JAKMIP1: variants seen among roughly 807,000 people sequenced by gnomAD.
The protein encoded by JAKMIP1 is janus kinase and microtubule-interacting protein 1.
JAKMIP1 carries 33 observed loss-of-function variants against 113.0 expected under a neutral mutation model. The ratio of observed to expected loss-of-function variants is 0.29; its 90% CI spans 0.22 to 0.39. JAKMIP1 has a LOEUF of 0.39. Ranked by LOEUF, JAKMIP1 falls within the 10% of genes least tolerant of loss-of-function variation. The pLI is 1.00. For missense variants in JAKMIP1, 813 were observed against 1,080.5 expected (o/e 0.75, Z 3.47); for synonymous variants, 480 against 459.9 (o/e 1.04, Z -0.56).
intron 3 of JAKMIP1, among the ~76,000 whole-genome samples, chr4:6,104,976 A>G (rs1713658037): frequency 6.6e-6 from 1 of 152,234 alleles, no homozygotes; most frequent in South Asian, 2.1e-4. Flanking sequence ...AGCAGCTGGC[A>G]ATTAGGCCGC....
At position 6,044,316 on chromosome 4, in the gene JAKMIP1, G is replaced by T. The variant is rs549889580; in HGVS notation, c.2029-2089C>A. ...AGCAGGTGCCTAATAAACTTCTGTC[G>T]AATGAAGGAGAATCAAGGCTGTGCA... On this transcript the variant is annotated intron_variant, in intron 16 of 20. Coordinates refer to ENST00000409021, the MANE Select transcript of JAKMIP1 (RefSeq NM_001099433.2). The surrounding 1 kb of genome is among the most constrained non-coding windows in gnomAD (Gnocchi z 4.4). Among the ~76,000 whole-genome samples the T allele has an allele frequency of 1.1e-4, 17 of 152,236 alleles. No individual in the cohort carries two copies. The highest frequency in any genetic ancestry group is 3.4e-4 in the African/African-American group (14 of 41,550).
rs1983290 is a variant in JAKMIP1, at chr4:6,197,984, A to C, written c.-148+2269T>G. Among the ~76,000 whole-genome samples, 117,229 of 152,078 alleles carry C rather than the reference A, an allele frequency of 0.77. 45,924 individuals are homozygous for C. The highest frequency in any genetic ancestry group is 0.98 in the East Asian group (5,055 of 5,176). ...CTTCCTGGCCGGGCCGCCTGTCCCC[A>C]TCTCTCCCTGCACATGACTCTCTGA... On this transcript the variant is annotated intron_variant, in intron 1 of 20. Coordinates refer to ENST00000409021, the MANE Select transcript of JAKMIP1 (RefSeq NM_001099433.2). This position sits in a 1 kb window ranked among gnomAD's most constrained non-coding sequence, Gnocchi z 6.5.
At chr4:6,102,580 T>C (rs1713224591) in intron 3 of JAKMIP1, among the ~76,000 whole-genome samples, 1 of 152,006 alleles carries the variant, frequency 6.6e-6, no homozygotes, top group South Asian at 2.1e-4. Context: ...AAGAAAAAAA[T>C]TTCTATTATA....
chr4:6,145,424 C>G (rs1342949174), intron 1 of JAKMIP1, among the ~76,000 whole-genome samples: 2 of 152,182 alleles, frequency 1.3e-5, no homozygotes, highest in African/African-American at 4.8e-5. Context: ...TGTCCCTGCA[C>G]TGAGCTCACA....
chr4:6,036,027 C>T lies in JAKMIP1; in HGVS notation c.2256G>A (p.Glu752=), dbSNP rs1713385456. ...CAGCCTGCAGGTCCTCCCGCTGGCCCTCGCTCAGCGCCTCACCGGCCCTCC... is the reference window on the plus strand; with the variant it reads ...CAGCCTGCAGGTCCTCCCGCTGGCCTTCGCTCAGCGCCTCACCGGCCCTCC... The part of the protein sequence containing the change: ...PGRRAGEALS[E]GQREDLQAAV... The change falls in exon 19 of 21, where the codon GAG becomes GAA. Residue 752 remains glutamate (E), a synonymous_variant. Transcript: ENST00000409021. 6.4e-7 allele frequency: 1 copy of T among 1,553,266 alleles called. No homozygotes were observed.
chr4:6,066,321 C>A (rs1426041812), intron 8 of JAKMIP1, among the ~76,000 whole-genome samples: 2 of 152,172 alleles, frequency 1.3e-5, no homozygotes, highest in Non-Finnish European at 1.5e-5. Context: ...TGCAGGGACA[C>A]CCTTGTCACC....
rs912748330 is a variant in JAKMIP1, at chr4:6,049,646, G to A, written c.1962+173C>T. Among the ~76,000 whole-genome samples, 24 of 151,982 alleles carry A rather than the reference G, an allele frequency of 1.6e-4. No homozygotes were observed. The highest frequency in any genetic ancestry group is 2.6e-4 in the Non-Finnish European group (18 of 68,020). ...CTAACTTCGGAACCCCACTTCTGACGAATGCCAACCCCACCACCCACACAG... is the reference window on the plus strand; with the variant it reads ...CTAACTTCGGAACCCCACTTCTGACAAATGCCAACCCCACCACCCACACAG... On this transcript the variant is annotated intron_variant, in intron 15 of 20. Coordinates refer to ENST00000409021, the MANE Select transcript of JAKMIP1 (RefSeq NM_001099433.2). This position sits in a 1 kb window ranked among gnomAD's most constrained non-coding sequence, Gnocchi z 7.0.
At chr4:6,099,126 G>A (rs1712578704) in intron 3 of JAKMIP1, among the ~76,000 whole-genome samples, 2 of 152,210 alleles carry the variant, frequency 1.3e-5, no homozygotes, top group South Asian at 4.1e-4. Context: ...TTCAGGGAAA[G>A]TGGGTCTTTA....
At position 6,064,800 on chromosome 4, in the gene JAKMIP1, A is replaced by C; in HGVS notation, c.1431+80T>G. ...TCAGAACTATAGGCAAGGGAGCGAA[A>C]CTTGCAACTATCAAAAGCAGGAGGT... On this transcript the variant is annotated intron_variant, in intron 9 of 20. Coordinates refer to ENST00000409021, the MANE Select transcript of JAKMIP1 (RefSeq NM_001099433.2). The surrounding 1 kb of genome is among the most constrained non-coding windows in gnomAD (Gnocchi z 4.3). 1 of 1,587,854 alleles carries C rather than the reference A, an allele frequency of 6.3e-7. No individual in the cohort carries two copies. The highest frequency in any genetic ancestry group is 8.6e-7 in the Non-Finnish European group (1 of 1,160,528).
intron 20 of JAKMIP1, 129 bp downstream of exon 20, chr4:6,029,587 A>T: frequency 1.5e-6 from 1 of 662,668 alleles, no homozygotes; most frequent in Non-Finnish European, 2.7e-6. Context: ...ATGCTGATTT[A>T]GGGGAAGAAG....
rs1201518731 is a variant in JAKMIP1 at position 6,116,659 on chromosome 4, T to C, written c.-147-3662A>G. 6.6e-6 allele frequency among the ~76,000 whole-genome samples: 1 copy of C among 152,188 alleles called. No homozygotes were observed. Among genetic ancestry groups the C allele is most frequent in the Non-Finnish European group, 1.5e-5 (1 of 68,020 alleles). On this transcript the variant is annotated intron_variant, in intron 1 of 20. Coordinates refer to ENST00000409021, the MANE Select transcript of JAKMIP1 (RefSeq NM_001099433.2). This position sits in a 1 kb window ranked among gnomAD's most constrained non-coding sequence, Gnocchi z 5.1. ...TCCCCTGTCCCAGCCTCCAAGTCGT[T>C]TGTCTGTGCCTTGGCAGTGCCGGTG...
chr4:6,192,015 C>T lies in JAKMIP1; in HGVS notation c.-148+8238G>A, dbSNP rs1024253504. ...TGGCCCAATCTTGGCTCATTACAAC[C>T]TCCGCCTCCCGGGTTTGAGCTATTC... On this transcript the variant is annotated intron_variant, in intron 1 of 20. Transcript: ENST00000409021. The surrounding 1 kb of genome is among the most constrained non-coding windows in gnomAD (Gnocchi z 5.0). Among the ~76,000 whole-genome samples, 21 of 151,930 alleles carry T rather than the reference C, an allele frequency of 1.4e-4. No homozygotes were observed. The highest frequency in any genetic ancestry group is 2.9e-4 in the Non-Finnish European group (20 of 68,008).
At position 6,041,046 on chromosome 4, in the gene JAKMIP1, C is replaced by T. The variant is rs564673504; in HGVS notation, c.2098-330G>A. On this transcript the variant is annotated intron_variant, in intron 17 of 20. Coordinates refer to ENST00000409021, the MANE Select transcript of JAKMIP1 (RefSeq NM_001099433.2). The stretch of plus-strand genomic sequence containing the variant: ...GAGTCCTTCTAGGTTCCTCCTGCTA[C>T]ATCCTAGTGGCCCCTGAAGACTGTC... 9.7e-4 allele frequency among the ~76,000 whole-genome samples: 147 copies of T among 152,242 alleles called. 1 individual carries two copies. The highest frequency in any genetic ancestry group is 6.8e-3 in the Middle Eastern group (2 of 294).
chr4:6,197,680 G>A lies in JAKMIP1; in HGVS notation c.-148+2573C>T, dbSNP rs1364569978. ...TGCAGTCATCCTCAGACTCCCCAAG[G>A]GAAGCCCCCATTTAGTTAGAAAGCC... On this transcript the variant is annotated intron_variant, in intron 1 of 20. Transcript: ENST00000409021. The surrounding 1 kb of genome is among the most constrained non-coding windows in gnomAD (Gnocchi z 6.5). 1.3e-5 allele frequency among the ~76,000 whole-genome samples: 2 copies of A among 152,280 alleles called. No individual in the cohort carries two copies. The highest frequency in any genetic ancestry group is 3.9e-4 in the East Asian group (2 of 5,178).
intron 8 of JAKMIP1, chr4:6,070,311 C>T (rs1718778250): frequency 5.2e-6 from 2 of 387,578 alleles, no homozygotes; most frequent in Non-Finnish European, 9.1e-6. Flanking sequence ...AACACACCCG[C>T]CCTAGCAACT....
At chr4:6,163,042 G>A (rs1033612584) in intron 1 of JAKMIP1, among the ~76,000 whole-genome samples, 34 of 152,224 alleles carry the variant, frequency 2.2e-4, no homozygotes, top group African/African-American at 8.0e-4. Context: ...ACTCTCAACA[G>A]AAGAAAACAG....
rs1018923344 is a variant in JAKMIP1, at chr4:6,076,205, A to T, written c.1302+2734T>A. Among the ~76,000 whole-genome samples, 1 of 152,134 alleles carries T rather than the reference A, an allele frequency of 6.6e-6. No individual in the cohort carries two copies. The highest frequency in any genetic ancestry group is 1.5e-5 in the Non-Finnish European group (1 of 68,034). On this transcript the variant is annotated intron_variant, in intron 8 of 20. Transcript: ENST00000409021. The surrounding 1 kb of genome is among the most constrained non-coding windows in gnomAD (Gnocchi z 4.8). ...AAAAATTAGTAAATAAATAAAAAAT[A>T]AAATAAACAAACAAACAAATAAATA...
rs1445566423 is a variant in JAKMIP1, at chr4:6,176,213, A to T, written c.-148+24040T>A. ...ACGGAGAGGGTTACACCTGGGTGGA[A>T]AAGGACAGATCACCCCCTCATACGT... On this transcript the variant is annotated intron_variant, in intron 1 of 20. Transcript: ENST00000409021. The surrounding 1 kb of genome is among the most constrained non-coding windows in gnomAD (Gnocchi z 5.5). Among the ~76,000 whole-genome samples, 4 of 152,130 alleles carry T rather than the reference A, an allele frequency of 2.6e-5. No individual in the cohort carries two copies. Among genetic ancestry groups the T allele is most frequent in the Admixed American group, 2.0e-4 (3 of 15,272 alleles).
Position 6,042,137 on chromosome 4 carries a change from C to A in JAKMIP1, c.2097+22G>T. ...AGCTCTTTGAACCCTCTCCCCCACC[C>A]CCAGGCAGTCAAATCTTTTACCTTC... On this transcript the variant is annotated intron_variant, in intron 17 of 20. Coordinates refer to ENST00000409021, the MANE Select transcript of JAKMIP1 (RefSeq NM_001099433.2). This position sits in a 1 kb window ranked among gnomAD's most constrained non-coding sequence, Gnocchi z 5.2. 1 of 1,607,030 alleles carries A rather than the reference C, an allele frequency of 6.2e-7. No homozygotes were observed.
Sources: gnomAD v4.1 joint callset for allele counts (sites outside exome capture counted in the v4.1 genomes callset) on GRCh38, gnomAD v4.1.1 for gene constraint, Gnocchi (gnomAD v3.1) non-coding constraint, MANE v1.5 for transcripts, NCBI Gene and HGNC (gene_info 2026-07-23, HGNC 2026-07-21) for gene names.